CDKL1: variants seen among roughly 807,000 people sequenced by gnomAD.
The protein encoded by CDKL1 is cyclin-dependent kinase-like 1.
In CDKL1, 41 loss-of-function variants were observed where a neutral mutation model predicts 42.0. The observed-to-expected ratio is 0.98, with a 90% CI of 0.76 to 1.27. CDKL1 has a LOEUF of 1.27. CDKL1 is among the 50% of genes most tolerant of loss of function. The pLI is 0.00. For synonymous variants in CDKL1, 153 were observed against 158.6 expected, an observed-to-expected ratio of 0.96 and a Z score of 0.26; for missense variants, 394 against 428.4, an observed-to-expected ratio of 0.92 and a Z score of 0.71.
chr14:50,364,054 C>T (rs975400611), intron 2 of CDKL1: 1 of 152,302 alleles, frequency 6.6e-6, no homozygotes, highest in African/African-American at 2.4e-5. Context: ...ATCTGGGCAC[C>T]CAAGCAAGGA....
At position 50,395,849 on chromosome 14, in the gene CDKL1, AT is replaced by A. The variant is rs1566616984; in HGVS notation, c.19del (p.Ile7LeufsTer38). 1 of 1,611,920 alleles carries A rather than the reference AT, an allele frequency of 6.2e-7. No individual in the cohort carries two copies. The highest frequency in any genetic ancestry group is 8.5e-7 in the Non-Finnish European group (1 of 1,178,244). ...ATAGGATCCTTCTCCAATTTTCCCAATTTTTTCATACTTCTCCATCATAGAG... is the reference window on the plus strand; with the variant it reads ...ATAGGATCCTTCTCCAATTTTCCCAATTTTTCATACTTCTCCATCATAGAG... MEKYEK[I>X]GKIGEGSYGV... On this transcript the variant is annotated frameshift_variant, in exon 2 of 10. Transcript: ENST00000395834. LOFTEE classifies it high-confidence loss of function.
intron 3 of CDKL1, chr14:50,357,250 G>A (rs2034082637): frequency 6.6e-6 from 1 of 152,180 alleles, no homozygotes; most frequent in Non-Finnish European, 1.5e-5. Context: ...AATATGAAAA[G>A]TCTGTGCTGT....
Position 50,395,805 on chromosome 14 carries a change from T to C in CDKL1, c.64A>G (p.Arg22Gly), listed in dbSNP as rs374167149. Reference sequence around the variant, plus strand: ...ACAATCTGACCCGTGTCCCTGTTTCTACATTTGAAAACAACTCCATAGGAT... The same window carrying C: ...ACAATCTGACCCGTGTCCCTGTTTCCACATTTGAAAACAACTCCATAGGAT... ...EGSYGVVFKCRNRDTGQIVAI... is the reference protein window; with the variant it reads ...EGSYGVVFKCGNRDTGQIVAI... The change falls in exon 2 of 10, where the codon AGA becomes GGA. Residue 22 changes from arginine to glycine, a missense_variant. Transcript: ENST00000395834. 3.1e-6 allele frequency: 5 copies of C among 1,612,850 alleles called. No homozygotes were observed. The highest frequency in any genetic ancestry group is 1.1e-5 in the South Asian group (1 of 91,056).
chr14:50,372,577 T>C (rs1044430961), intron 2 of CDKL1, among the ~76,000 whole-genome samples: 3 of 152,266 alleles, frequency 2.0e-5, no homozygotes, highest in Non-Finnish European at 1.5e-5. Flanking sequence ...TTTTTGCTTT[T>C]GTTGCCTATG....
rs1283086532 is a variant in CDKL1, at chr14:50,326,521, T to G, written c.*3553A>C. The G allele has an allele frequency of 1.0e-6, 1 of 985,312 alleles. No homozygotes were observed. The highest frequency in any genetic ancestry group is 1.2e-6 in the Non-Finnish European group (1 of 829,920). The allele number at this position is 985,312 out of a possible 1,614,324, so 61.0% of individuals were successfully genotyped here. On this transcript the variant is annotated 3_prime_UTR_variant, in exon 10 of 10. Coordinates refer to ENST00000395834, the MANE Select transcript of CDKL1 (RefSeq NM_004196.7). ...TGAAGCATGCATTGCTTCAACAGGA[T>G]TTGCGTGCATTTCCCATGATCCTGC...
intron 3 of CDKL1, among the ~76,000 whole-genome samples, chr14:50,347,514 T>C (rs1334175419): frequency 6.6e-6 from 1 of 152,156 alleles, no homozygotes; most frequent in East Asian, 1.9e-4. Flanking sequence ...TCCAGGATTT[T>C]CTGAGGGATT....
At chr14:50,335,439 C>A in intron 7 of CDKL1, 1 of 1,519,680 alleles carries the variant, frequency 6.6e-7, no homozygotes, top group South Asian at 1.2e-5. Context: ...CCCACTAGGG[C>A]CTGCTGCTTC....
chr14:50,397,159 C>G, upstream of CDKL1: 5 of 1,366,404 alleles, frequency 3.7e-6, no homozygotes, highest in Non-Finnish European at 3.9e-6. Flanking sequence ...GAGCAAGACG[C>G]CTGCGCTAGG....
intron 7 of CDKL1, 178 bp from the exon 8 acceptor site, chr14:50,334,799 C>G: frequency 1.8e-6 from 1 of 555,178 alleles, no homozygotes; most frequent in African/African-American, 1.9e-5. Context: ...CTTTCTCTCC[C>G]CACCTCCAAA....
chr14:50,397,184 G>C (rs1369440187), upstream of CDKL1: 2 of 1,366,572 alleles, frequency 1.5e-6, no homozygotes, highest in Non-Finnish European at 2.0e-6. Context: ...CCTCCTGAGC[G>C]GTCCACATTT....
At chr14:50,333,838 C>T (rs1057373665) in intron 8 of CDKL1, 2 of 151,498 alleles carry the variant, frequency 1.3e-5, no homozygotes, top group African/African-American at 4.8e-5. Flanking sequence ...AACTTGCAAA[C>T]ATTTTAGTTG....
intron 2 of CDKL1, among the ~76,000 whole-genome samples, chr14:50,365,460 T>A (rs1277437962): frequency 1.3e-5 from 2 of 152,204 alleles, no homozygotes; most frequent in Non-Finnish European, 2.9e-5. Context: ...AATGAGGGGT[T>A]ATAAATATTA....
rs74417827 is a variant in CDKL1 at position 50,346,900 on chromosome 14, C to G, written c.291-1842G>C. On this transcript the variant is annotated intron_variant, in intron 3 of 9. Transcript: ENST00000395834. Reference sequence around the variant, plus strand: ...CAGACCTCAAGTGATACGCCCACCTCAGCCTCCCAAAGTGCTGGGATTACA... The same window carrying G: ...CAGACCTCAAGTGATACGCCCACCTGAGCCTCCCAAAGTGCTGGGATTACA... Among the ~76,000 whole-genome samples, 14 of 152,082 alleles carry G rather than the reference C, an allele frequency of 9.2e-5. 2 individuals carry two copies. Among genetic ancestry groups the G allele is most frequent in the Admixed American group, 9.2e-4 (14 of 15,278 alleles).
chr14:50,384,992 A>G (rs1289172452), intron 2 of CDKL1, among the ~76,000 whole-genome samples: 1 of 148,358 alleles, frequency 6.7e-6, no homozygotes, highest in Admixed American at 6.8e-5. Flanking sequence ...AATTGCTTCA[A>G]CCCAGGAGGT....
intron 2 of CDKL1, among the ~76,000 whole-genome samples, chr14:50,381,836 G>C (rs1164803850): frequency 6.6e-6 from 1 of 152,130 alleles, no homozygotes; most frequent in Non-Finnish European, 1.5e-5. Flanking sequence ...GCAGTGGTGT[G>C]ATCATAGCTC....
At chr14:50,368,306 G>C (rs1454130020) in intron 2 of CDKL1, among the ~76,000 whole-genome samples, 5 of 151,502 alleles carry the variant, frequency 3.3e-5, no homozygotes, top group African/African-American at 1.2e-4. Flanking sequence ...ACCCAGGCTG[G>C]AGTGCAGTGG....
chr14:50,358,802 G>A (rs1415009011), intron 3 of CDKL1, among the ~76,000 whole-genome samples: 1 of 151,644 alleles, frequency 6.6e-6, no homozygotes, highest in East Asian at 1.9e-4. Flanking sequence ...ACCACGCCCA[G>A]CTAATTTTTG....
rs2032801812 is a variant in CDKL1, at chr14:50,328,925, A to G, written c.*1149T>C. 1.0e-5 allele frequency: 1 copy of G among 98,474 alleles called. No individual in the cohort carries two copies. Among genetic ancestry groups the G allele is most frequent in the South Asian group, 3.1e-4 (1 of 3,192 alleles). 6.1% of individuals were successfully genotyped at this position (98,474 alleles called of 1,614,324 possible). ...CAGGTTTTATATATATATATAAAAA[A>G]CACATATATATATATGTGTGTGTGT... On this transcript the variant is annotated 3_prime_UTR_variant, in exon 10 of 10. Transcript: ENST00000395834.
chr14:50,391,477 G>C (rs1373632152), intron 2 of CDKL1, among the ~76,000 whole-genome samples: 1 of 152,080 alleles, frequency 6.6e-6, no homozygotes, highest in African/African-American at 2.4e-5. Context: ...CTGCCTCCCG[G>C]GTTCAAGCGA....
Sources: gnomAD v4.1 joint callset for allele counts (sites outside exome capture counted in the v4.1 genomes callset) on GRCh38, gnomAD v4.1.1 for gene constraint, MANE v1.5 for transcripts, NCBI Gene and HGNC (gene_info 2026-07-23, HGNC 2026-07-21) for gene names.